BRWD1: variants seen among roughly 807,000 people sequenced by gnomAD.
BRWD1 encodes bromodomain and WD repeat-containing protein 1.
In BRWD1, 82 loss-of-function variants were observed where a neutral mutation model predicts 251.2. That is an observed-to-expected ratio of 0.33 (90% confidence interval 0.27 to 0.39). BRWD1 has a LOEUF of 0.39. BRWD1 is among the 10% of genes least tolerant of loss of function. The pLI is 1.00. For synonymous variants in BRWD1, 918 were observed against 902.8 expected (o/e 1.02, Z -0.30); for missense variants, 2,233 against 2,711.6 (o/e 0.82, Z 3.92).
chr21:39,203,185 A>G (rs912524130), intron 37 of BRWD1, among the ~76,000 whole-genome samples: 2 of 152,178 alleles, frequency 1.3e-5, no homozygotes, highest in Non-Finnish European at 2.9e-5. Flanking sequence ...AAATGGCCGA[A>G]CATGCCTGTA....
chr21:39,312,912 C>A lies in BRWD1; in HGVS notation c.139-12G>T, dbSNP rs566376983. On this transcript the variant is annotated splice_polypyrimidine_tract_variant and intron_variant, in intron 3 of 40. Transcript: ENST00000342449. Reference sequence around the variant, plus strand: ...CTCTTCGGCAACAACTGGAAAGACACGAAACGCACACGAGTGACCACCCCT... The same window carrying A: ...CTCTTCGGCAACAACTGGAAAGACAAGAAACGCACACGAGTGACCACCCCT... 1.3e-5 allele frequency: 19 copies of A among 1,507,650 alleles called. No homozygotes were observed. In the South Asian group the frequency reaches 1.5e-4, roughly 12 times the overall value. 93.4% of individuals were successfully genotyped at this position (1,507,650 alleles called of 1,614,324 possible).
At chr21:39,260,903 A>G (rs1352455030) in intron 17 of BRWD1, among the ~76,000 whole-genome samples, 1 of 152,198 alleles carries the variant, frequency 6.6e-6, no homozygotes, top group Non-Finnish European at 1.5e-5. Context: ...ATCTGTAATG[A>G]GGTCTCATCA....
chr21:39,187,133 C>T lies in BRWD1; in HGVS notation c.*9126G>A, dbSNP rs771367284. 26 of 1,613,220 alleles carry T rather than the reference C, an allele frequency of 1.6e-5. No individual in the cohort carries two copies. Among genetic ancestry groups the T allele is most frequent in the Non-Finnish European group, 8.5e-7 (1 of 1,179,748 alleles). ...TCAGAATTTATGGTTGTATCATCCT[C>T]TTTATAAACATTCAGTAATTTTTTC... is the stretch of plus-strand genomic sequence containing the variant. On this transcript the variant is annotated 3_prime_UTR_variant, in exon 41 of 41. Coordinates refer to ENST00000342449, the MANE Select transcript of BRWD1 (RefSeq NM_033656.4).
At chr21:39,267,631 G>C (rs576689270) in intron 15 of BRWD1, among the ~76,000 whole-genome samples, 4 of 152,204 alleles carry the variant, frequency 2.6e-5, no homozygotes, top group Admixed American at 2.0e-4. Flanking sequence ...ACTTTGAATT[G>C]TAACAGTATA....
intron 25 of BRWD1, 79 bp downstream of exon 25, chr21:39,232,098 G>T: frequency 8.9e-7 from 1 of 1,127,314 alleles, no homozygotes; most frequent in Non-Finnish European, 1.3e-6. Flanking sequence ...GTTTCCAACA[G>T]GTTTTTAAAT....
intron 39 of BRWD1, 45 bp downstream of exon 39, chr21:39,200,174 A>G (rs374118004): frequency 1.3e-6 from 2 of 1,523,714 alleles, no homozygotes; most frequent in African/African-American, 2.8e-5. Flanking sequence ...TAACTTTTGG[A>G]TTCTTTTGAT....
intron 13 of BRWD1, among the ~76,000 whole-genome samples, chr21:39,273,085 A>C (rs1262036234): frequency 6.6e-6 from 1 of 152,240 alleles, no homozygotes; most frequent in East Asian, 1.9e-4. Context: ...CTCATGAAGA[A>C]AATTATAGGA....
intron 36 of BRWD1, 140 bp downstream of exon 36, chr21:39,209,852 ATAG>A: frequency 1.3e-6 from 1 of 788,644 alleles, no homozygotes; most frequent in Non-Finnish European, 1.8e-6. Context: ...TTTCTTTATA[ATAG>A]TCTTAATTTA....
downstream of BRWD1, chr21:39,184,836 G>C (rs551838137): frequency 9.9e-5 from 15 of 152,258 alleles, no homozygotes; most frequent in East Asian, 2.9e-3. Flanking sequence ...TAAAACATTA[G>C]GACTCCTGGG....
intron 9 of BRWD1, among the ~76,000 whole-genome samples, chr21:39,279,638 C>CAAAA (rs77282416): frequency 3.3e-4 from 22 of 66,872 alleles, no homozygotes; most frequent in South Asian, 5.6e-4. Context: ...GACTCCATCT[C>CAAAA]AAAAAAAAAA....
chr21:39,234,279 T>C (rs909968347), intron 23 of BRWD1, among the ~76,000 whole-genome samples: 2 of 152,122 alleles, frequency 1.3e-5, no homozygotes, highest in Non-Finnish European at 2.9e-5. Flanking sequence ...GAATGAACAA[T>C]TACAAGTACA....
In BRWD1 at chr21:39,289,223, G is replaced by A. The variant is rs576139758; in HGVS notation, c.831+4588C>T. Among the ~76,000 whole-genome samples the A allele has an allele frequency of 1.3e-4, 20 of 152,072 alleles. No homozygotes were observed. The South Asian group carries it at 3.5e-3, about 27-fold the overall frequency. ...CACCTCTATTAAGCCTAGTAGTTAT[G>A]CAATCTCTTGCTATACTTTTGGCTG... On this transcript the variant is annotated intron_variant, in intron 8 of 40. Coordinates refer to ENST00000342449, the MANE Select transcript of BRWD1 (RefSeq NM_033656.4).
intron 39 of BRWD1, among the ~76,000 whole-genome samples, chr21:39,199,962 G>C (rs971905758): frequency 2.6e-5 from 4 of 152,064 alleles, no homozygotes; most frequent in African/African-American, 7.2e-5. Flanking sequence ...ATGGTGGCCA[G>C]GCTGGTCTCG....
intron 20 of BRWD1, 143 bp downstream of exon 20, chr21:39,250,653 A>C: frequency 1.8e-6 from 1 of 570,366 alleles, no homozygotes; most frequent in Non-Finnish European, 3.0e-6. Flanking sequence ...CCTTAAGTCT[A>C]CTATTTTAAA....
intron 15 of BRWD1, 43 bp from the exon 16 acceptor site, chr21:39,265,062 A>C: frequency 6.3e-7 from 1 of 1,588,116 alleles, no homozygotes; most frequent in South Asian, 1.1e-5. Flanking sequence ...AATTCTATGC[A>C]AGTGATTTGC....
At position 39,293,972 on chromosome 21, in the gene BRWD1, A is replaced by C; in HGVS notation, c.670T>G (p.Leu224Val). Residue 224 changes from leucine to valine, a missense_variant, in exon 8 of 41, where the codon TTA becomes GTA. Leu to Val is a conservative substitution (Grantham distance 32, BLOSUM62 1). Around this residue, in one of 12 missense-constraint regions of BRWD1, gnomAD observed 185 missense variants for 260.6 expected, o/e 0.71. Coordinates refer to ENST00000342449, the MANE Select transcript of BRWD1 (RefSeq NM_033656.4). ...STHNGRLLST[L>V]RGHSAEISDM... is the part of the protein sequence containing the mutation. ...GAAATTTCTGCAGAATGACCTCTTA[A>C]TGTAGATAACAAGCGGCCATTATGT... 1 of 1,614,202 alleles carries C rather than the reference A, an allele frequency of 6.2e-7. No individual in the cohort carries two copies. The highest frequency in any genetic ancestry group is 8.5e-7 in the Non-Finnish European group (1 of 1,180,044).
chr21:39,314,452 GCAGA>G (rs1357714625), upstream of BRWD1: 3 of 400,136 alleles, frequency 7.5e-6, no homozygotes, highest in Non-Finnish European at 1.5e-5. Context: ...AGAGGGTGGT[GCAGA>G]CGGGCCGCAG....
rs900517303 is a variant in BRWD1 at position 39,196,300 on chromosome 21, TTC to T, written c.6767_6768del (p.Arg2256LysfsTer23). The T allele has an allele frequency of 6.2e-7, 1 of 1,610,214 alleles. No homozygotes were observed. The highest frequency in any genetic ancestry group is 1.3e-5 in the African/African-American group (1 of 74,688). ...TTGAAATCTAACACATTTTCTAAAC[TTC>T]TGTCATCATCCCCATCATGGTATCT... ...TVRYHDGDDD[R>X]SLENVLDFNG... On this transcript the variant is annotated frameshift_variant, in exon 41 of 41. Coordinates refer to ENST00000342449, the MANE Select transcript of BRWD1 (RefSeq NM_033656.4). LOFTEE classifies it high-confidence loss of function.
chr21:39,201,106 T>C (rs1187795424), intron 38 of BRWD1, among the ~76,000 whole-genome samples: 1 of 152,232 alleles, frequency 6.6e-6, no homozygotes, highest in Non-Finnish European at 1.5e-5. Flanking sequence ...ATAGTTTGCA[T>C]GTCTCACCAT....
Sources: allele counts gnomAD v4.1 joint callset (sites outside exome capture counted in the v4.1 genomes callset), GRCh38; gene constraint gnomAD v4.1.1; regional missense constraint gnomAD v4.1.1; transcripts MANE v1.5; gene names NCBI Gene and HGNC (gene_info 2026-07-23, HGNC 2026-07-21).